Variants in DCC observed in about 807,000 individuals in gnomAD.
DCC encodes netrin receptor DCC.
In DCC, 58 loss-of-function variants were observed where a neutral mutation model predicts 172.5. That is an observed-to-expected ratio of 0.34 (90% confidence interval 0.27 to 0.42). DCC has a LOEUF of 0.42. Among genes scored for constraint, DCC ranks in the 10% least tolerant of loss-of-function variants. The pLI is 1.00. For missense variants in DCC, 1,740 were observed against 1,791.0 expected, an observed-to-expected ratio of 0.97 and a Z score of 0.51; for synonymous variants, 709 against 644.5, an observed-to-expected ratio of 1.10 and a Z score of -1.52.
intron 5 of DCC, among the ~76,000 whole-genome samples, chr18:53,003,711 T>G (rs1219215562): frequency 6.6e-6 from 1 of 151,986 alleles, no homozygotes; most frequent in Non-Finnish European, 1.5e-5. Context: ...TTTCCTCCCT[T>G]TTTTCATGCA....
chr18:52,664,620 G>A lies in DCC; in HGVS notation c.92-87434G>A, dbSNP rs573633685. The stretch of plus-strand genomic sequence containing the variant: ...CGAGTAGCTGGGACTACAGGCGCCC[G>A]CCACCATGCCCGGCTGATTTTTTGT... On this transcript the variant is annotated intron_variant, in intron 1 of 28. Coordinates refer to ENST00000442544, the MANE Select transcript of DCC (RefSeq NM_005215.4). Among the ~76,000 whole-genome samples the A allele has an allele frequency of 3.2e-3, 480 of 151,496 alleles. 9 individuals carry two copies. The highest frequency in any genetic ancestry group is 0.023 in the East Asian group (117 of 5,100).
chr18:53,131,952 G>GTTT (rs1568323077), intron 7 of DCC, among the ~76,000 whole-genome samples: 1 of 68,808 alleles, frequency 1.5e-5, no homozygotes. Context: ...GTCTCTAAGT[G>GTTT]ATTTTTTTTT....
chr18:53,460,746 T>C (rs547004737), intron 24 of DCC, among the ~76,000 whole-genome samples: 6 of 152,310 alleles, frequency 3.9e-5, no homozygotes, highest in African/African-American at 1.2e-4. Context: ...AACATACGTG[T>C]GCATGTGTCT....
At chr18:52,925,124 T>A (rs537477605) in intron 4 of DCC, 110 bp from the exon 5 acceptor site, 13 of 1,096,032 alleles carry the variant, frequency 1.2e-5, no homozygotes, top group African/African-American at 7.7e-5. Flanking sequence ...ATACACAGTT[T>A]CTTTCAAGTG....
At chr18:53,380,839 C>CTT (rs2144980445) in intron 15 of DCC, among the ~76,000 whole-genome samples, 1 of 152,256 alleles carries the variant, frequency 6.6e-6, no homozygotes, top group Admixed American at 6.5e-5. Context: ...AGTGTGTTTA[C>CTT]TTTTTACGGG....
At chr18:52,685,708 T>A (rs1219870373) in intron 1 of DCC, among the ~76,000 whole-genome samples, 1 of 152,172 alleles carries the variant, frequency 6.6e-6, no homozygotes, top group African/African-American at 2.4e-5. Context: ...CCTCTCTTCC[T>A]TTCTCTGTTG....
chr18:52,768,142 G>A (rs1203875310), intron 2 of DCC, among the ~76,000 whole-genome samples: 1 of 152,148 alleles, frequency 6.6e-6, no homozygotes, highest in Non-Finnish European at 1.5e-5. Flanking sequence ...CTCTCCAAGA[G>A]CCTGTCAACA....
intron 12 of DCC, among the ~76,000 whole-genome samples, chr18:53,216,582 G>T (rs898418637): frequency 6.6e-6 from 1 of 152,100 alleles, no homozygotes; most frequent in Admixed American, 6.6e-5. Context: ...TGTATGCGAT[G>T]AATCTGACTT....
At chr18:53,090,337 G>T (rs950316778) in intron 7 of DCC, among the ~76,000 whole-genome samples, 1 of 151,976 alleles carries the variant, frequency 6.6e-6, no homozygotes, top group Non-Finnish European at 1.5e-5. Flanking sequence ...TCTTTTCTGG[G>T]TGCTAGAGGT....
chr18:53,489,911 T>C (rs1599210411), intron 26 of DCC, among the ~76,000 whole-genome samples: 1 of 150,524 alleles, frequency 6.6e-6, no homozygotes, highest in African/African-American at 2.5e-5. Context: ...GGGAACAGTT[T>C]AGCTGCATTG....
intron 15 of DCC, among the ~76,000 whole-genome samples, chr18:53,361,313 A>C (rs879897142): frequency 2.0e-5 from 3 of 152,202 alleles, no homozygotes; most frequent in Admixed American, 2.0e-4. Flanking sequence ...TGGCAGCTCT[A>C]GAAAATCAAT....
intron 5 of DCC, among the ~76,000 whole-genome samples, chr18:52,961,737 A>G (rs1044520134): frequency 2.0e-5 from 3 of 152,198 alleles, no homozygotes; most frequent in Non-Finnish European, 4.4e-5. Context: ...CCAAAACAGC[A>G]TGGTACTGGT....
intron 12 of DCC, among the ~76,000 whole-genome samples, chr18:53,235,626 TAACAC>T (rs1163686796): frequency 6.6e-6 from 1 of 152,162 alleles, no homozygotes; most frequent in Non-Finnish European, 1.5e-5. Context: ...AAAATATACA[TAACAC>T]AACATTTACC....
chr18:53,149,707 A>G (rs772028954), intron 7 of DCC, among the ~76,000 whole-genome samples: 10 of 152,354 alleles, frequency 6.6e-5, no homozygotes, highest in Non-Finnish European at 1.3e-4. Context: ...TTGGTTGGCC[A>G]GTTTATCAGA....
At chr18:53,305,434 C>T (rs1431194) in intron 12 of DCC, 144 bp from the exon 13 acceptor site, 70,201 of 675,812 alleles carry the variant, frequency 0.1, 4,956 homozygotes, top group African/African-American at 0.28. Flanking sequence ...ATTATAAGAA[C>T]GAATTTAATT....
At chr18:53,485,767 T>G (rs2045893474) in intron 25 of DCC, among the ~76,000 whole-genome samples, 1 of 152,076 alleles carries the variant, frequency 6.6e-6, no homozygotes, top group Non-Finnish European at 1.5e-5. Flanking sequence ...ATCTATATGT[T>G]GCTTCTCATT....
chr18:52,961,458 A>G (rs544281482), intron 5 of DCC, among the ~76,000 whole-genome samples: 2 of 152,266 alleles, frequency 1.3e-5, no homozygotes, highest in East Asian at 3.9e-4. Flanking sequence ...CTGTACCACA[A>G]TAATGGATAT....
At chr18:52,804,865 A>T (rs1441097418) in intron 2 of DCC, among the ~76,000 whole-genome samples, 4 of 152,110 alleles carry the variant, frequency 2.6e-5, no homozygotes, top group Admixed American at 6.5e-5. Flanking sequence ...TACGGACATG[A>T]CCTACTGCGC....
intron 7 of DCC, among the ~76,000 whole-genome samples, chr18:53,118,341 T>C (rs1355884072): frequency 2.0e-5 from 3 of 151,824 alleles, no homozygotes; most frequent in East Asian, 3.9e-4. Context: ...TACTGCATCA[T>C]AGTGTTTCGT....
Sources: allele counts gnomAD v4.1 joint callset (sites outside exome capture counted in the v4.1 genomes callset), GRCh38; gene constraint gnomAD v4.1.1; transcripts MANE v1.5; gene names NCBI Gene and HGNC (gene_info 2026-07-23, HGNC 2026-07-21).